IST1: variants seen among roughly 807,000 people sequenced by gnomAD.
IST1 encodes IST1 factor associated with ESCRT-III, also known as IST1 homolog.
IST1 carries 23 observed loss-of-function variants against 37.0 expected under a neutral mutation model. The ratio of observed to expected loss-of-function variants is 0.62; its 90% confidence interval spans 0.45 to 0.88. The LOEUF (loss-of-function observed/expected upper bound fraction) is 0.88, where lower values mean the gene tolerates loss of function less well. Among genes scored for constraint, IST1 ranks in the 40% least tolerant of loss-of-function variants. The pLI is 0.00. For synonymous variants in IST1, 180 were observed against 161.7 expected, an observed-to-expected ratio of 1.11 and a Z score of -0.86; for missense variants, 488 against 445.4, an observed-to-expected ratio of 1.10 and a Z score of -0.86.
At chr16:71,900,206 C>G (rs1597230835) in intron 1 of IST1, among the ~76,000 whole-genome samples, 1 of 151,100 alleles carries the variant, frequency 6.6e-6, no homozygotes, top group African/African-American at 2.4e-5. Flanking sequence ...AAATAACACA[C>G]GTCAAAACCA....
At chr16:71,894,429 A>G (rs886762903), upstream of IST1, 3 of 159,192 alleles carry the variant, frequency 1.9e-5, no homozygotes, top group Admixed American at 6.5e-5. Flanking sequence ...CCTCTTTAGT[A>G]GAGACGGGGT....
intron 1 of IST1, among the ~76,000 whole-genome samples, chr16:71,905,720 A>G (rs1294364860): frequency 6.6e-6 from 1 of 151,924 alleles, no homozygotes; most frequent in Non-Finnish European, 1.5e-5. Flanking sequence ...ATGTTTTTCC[A>G]CTTCTCATGG....
intron 3 of IST1, 148 bp from the exon 4 acceptor site, chr16:71,916,899 C>A: frequency 1.7e-6 from 1 of 606,024 alleles, no homozygotes; most frequent in Non-Finnish European, 2.8e-6. Flanking sequence ...AAAATAAGAT[C>A]ACGAAAATGG....
intron 1 of IST1, among the ~76,000 whole-genome samples, chr16:71,911,467 G>C (rs2037352595): frequency 6.6e-6 from 1 of 150,504 alleles, no homozygotes; most frequent in Non-Finnish European, 1.5e-5. Flanking sequence ...TGGGAGGCAG[G>C]GGTTGCAGTG....
intron 1 of IST1, among the ~76,000 whole-genome samples, chr16:71,911,367 C>A (rs2037350410): frequency 7.2e-6 from 1 of 139,728 alleles, no homozygotes; most frequent in African/African-American, 2.7e-5. Flanking sequence ...TTAAAAAAAA[C>A]TATTGCTATA....
chr16:71,914,354 G>A (rs2037424566), intron 1 of IST1, among the ~76,000 whole-genome samples: 1 of 151,164 alleles, frequency 6.6e-6, no homozygotes, highest in African/African-American at 2.4e-5. Flanking sequence ...TAGAGATGGG[G>A]TTTCACCATG....
intron 7 of IST1, chr16:71,923,026 G>A: frequency 2.1e-6 from 1 of 468,652 alleles, no homozygotes; most frequent in East Asian, 3.9e-5. Flanking sequence ...GATGGTCATT[G>A]GTAGTAAGAA....
chr16:71,926,437 G>A (rs1226628871), intron 9 of IST1, among the ~76,000 whole-genome samples: 4 of 151,200 alleles, frequency 2.6e-5, no homozygotes, highest in Non-Finnish European at 4.4e-5. Flanking sequence ...TCCACCTCCC[G>A]GGTTCACGCC....
At position 71,929,454 on chromosome 16, in the gene IST1, GTATAT is replaced by G. The variant is rs1273611638; in HGVS notation, c.*1646_*1650del. Reference sequence around the variant, plus strand: ...CCTAACTTACAGAATTAAAAACAAAGTATATTATAATTTTAAAGCTATGCCATGCA... The same window carrying G: ...CCTAACTTACAGAATTAAAAACAAAGTATAATTTTAAAGCTATGCCATGCA... On this transcript the variant is annotated 3_prime_UTR_variant, in exon 10 of 10. Transcript: ENST00000378799. 1.6e-5 allele frequency: 21 copies of G among 1,309,202 alleles called. No individual in the cohort carries two copies. The highest frequency in any genetic ancestry group is 1.8e-5 in the Non-Finnish European group (18 of 976,600). 81.1% of individuals were successfully genotyped at this position (1,309,202 alleles called of 1,614,324 possible). A position where few individuals can be genotyped will look rare whatever the true frequency, so the allele number is the denominator to read the frequency against.
chr16:71,923,271 C>T lies in IST1; in HGVS notation c.760-17C>T. 3 of 1,545,532 alleles carry T rather than the reference C, an allele frequency of 1.9e-6. No individual in the cohort carries two copies. Among genetic ancestry groups the T allele is most frequent in the South Asian group, 1.1e-5 (1 of 88,740 alleles). On this transcript the variant is annotated splice_polypyrimidine_tract_variant and intron_variant, in intron 7 of 9. Coordinates refer to ENST00000378799, the MANE Select transcript of IST1 (RefSeq NM_001270975.2). ...ACTGGAGGCAGTGTCTCTGATGTTG[C>T]CTTTCTCCTCTTACAGTCAGATTTC...
At chr16:71,902,533 G>C (rs2037131502) in intron 1 of IST1, among the ~76,000 whole-genome samples, 3 of 152,216 alleles carry the variant, frequency 2.0e-5, no homozygotes, top group Non-Finnish European at 1.5e-5. Flanking sequence ...GCTTCCCAAA[G>C]TGCTGGGATT....
At chr16:71,901,089 A>G (rs1046416795) in intron 1 of IST1, among the ~76,000 whole-genome samples, 3 of 152,226 alleles carry the variant, frequency 2.0e-5, no homozygotes, top group Admixed American at 6.5e-5. Context: ...AGAATATTTT[A>G]TTAACTTTTA....
intron 1 of IST1, among the ~76,000 whole-genome samples, chr16:71,898,834 G>A (rs545305165): frequency 6.1e-4 from 92 of 150,846 alleles, no homozygotes; most frequent in African/African-American, 1.9e-3. Flanking sequence ...AAAATTAGCG[G>A]GGTGCCTGTT....
chr16:71,899,657 C>T (rs1327254152), intron 1 of IST1, among the ~76,000 whole-genome samples: 2 of 151,708 alleles, frequency 1.3e-5, no homozygotes, highest in East Asian at 1.9e-4. Context: ...GGGTGGATCA[C>T]CTGAGGTCAG....
intron 1 of IST1, among the ~76,000 whole-genome samples, chr16:71,913,232 A>G (rs9939489): frequency 4.4e-4 from 66 of 151,538 alleles, no homozygotes; most frequent in South Asian, 8.3e-4. Flanking sequence ...CCAACAGTGC[A>G]CAAGGGTTCC....
chr16:71,920,709 A>G (rs76441296), intron 4 of IST1, 30 bp from the exon 5 acceptor site: 14 of 1,545,912 alleles, frequency 9.1e-6, no homozygotes, highest in South Asian at 8.9e-5. Context: ...AGTGGTCTCT[A>G]TTTTTATTTG....
upstream of IST1, chr16:71,894,965 G>T: frequency 1.2e-6 from 1 of 827,982 alleles, no homozygotes; most frequent in Non-Finnish European, 1.9e-6. Flanking sequence ...AGACCGGAGC[G>T]ATGCTGGTCC....
At chr16:71,914,325 A>AT (rs889540090) in intron 1 of IST1, among the ~76,000 whole-genome samples, 24 of 149,858 alleles carry the variant, frequency 1.6e-4, no homozygotes, top group Admixed American at 8.0e-4. Flanking sequence ...CGCCCAGCTA[A>AT]TTTTTTTTGT....
At chr16:71,925,972 C>T (rs1210504827) in intron 9 of IST1, among the ~76,000 whole-genome samples, 1 of 151,372 alleles carries the variant, frequency 6.6e-6, no homozygotes, top group Non-Finnish European at 1.5e-5. Context: ...CAGCAAAAAC[C>T]AGAGGGAAGA....
Sources: gnomAD v4.1 joint callset for allele counts (sites outside exome capture counted in the v4.1 genomes callset) on GRCh38, gnomAD v4.1.1 for gene constraint, MANE v1.5 for transcripts, NCBI Gene and HGNC (gene_info 2026-07-23, HGNC 2026-07-21) for gene names.